The following RTF1 variants were observed in gnomAD, a reference collection of about 807,000 sequenced individuals.
RTF1 encodes the protein RTF1 homolog, Paf1/RNA polymerase II complex component.
Under a neutral mutation model 95.7 loss-of-function variants are expected in RTF1, and 10 were observed. The observed-to-expected ratio is 0.10, with a 90% confidence interval of 0.06 to 0.18. The LOEUF (loss-of-function observed/expected upper bound fraction) is 0.18. RTF1 is among the 10% of genes least tolerant of loss of function. The pLI, the probability that RTF1 is intolerant of heterozygous loss-of-function variation, is 1.00. For missense variants in RTF1, 458 were observed against 875.6 expected, an observed-to-expected ratio of 0.52 and a Z score of 6.02; for synonymous variants, 305 against 311.8, an observed-to-expected ratio of 0.98 and a Z score of 0.23.
At chr15:41,419,580 T>C (rs2050589997) in intron 1 of RTF1, among the ~76,000 whole-genome samples, 1 of 152,178 alleles carries the variant, frequency 6.6e-6, no homozygotes, top group African/African-American at 2.4e-5. Flanking sequence ...GTACACTGGA[T>C]AGTTTAGAGG....
chr15:41,448,049 A>G (rs2050772128), intron 2 of RTF1, among the ~76,000 whole-genome samples: 1 of 152,026 alleles, frequency 6.6e-6, no homozygotes, highest in Non-Finnish European at 1.5e-5. Flanking sequence ...TTTTGCAGGG[A>G]TGGGTGAGCC....
Position 41,456,998 on chromosome 15 carries a change from C to T in RTF1, c.458-674C>T, listed in dbSNP as rs533752986. 1.4e-4 allele frequency among the ~76,000 whole-genome samples: 21 copies of T among 152,104 alleles called. No individual in the cohort carries two copies. In the South Asian group the frequency reaches 1.7e-3, roughly 12 times the overall value. ...ACGCAGGAGGCTGAGGCAGGAGAAT[C>T]GCTTGTGAACCAGGGAGGTGGAAGT... On this transcript the variant is annotated intron_variant, in intron 3 of 17. Transcript: ENST00000389629.
chr15:41,466,490 T>C (rs1430691725), intron 6 of RTF1, among the ~76,000 whole-genome samples: 3 of 152,224 alleles, frequency 2.0e-5, no homozygotes, highest in Non-Finnish European at 4.4e-5. Flanking sequence ...ATTATTATAT[T>C]TTAACCATAA....
At chr15:41,436,831 G>T (rs2050706051) in intron 1 of RTF1, among the ~76,000 whole-genome samples, 1 of 151,910 alleles carries the variant, frequency 6.6e-6, no homozygotes, top group Admixed American at 6.6e-5. Flanking sequence ...GCTCACGCCT[G>T]TAATCCCAGC....
At chr15:41,472,990 C>T (rs994409615) in intron 8 of RTF1, among the ~76,000 whole-genome samples, 7 of 152,014 alleles carry the variant, frequency 4.6e-5, no homozygotes, top group East Asian at 3.9e-4. Context: ...CGTGAGCCAC[C>T]GCACCCGGCC....
Position 41,417,260 on chromosome 15 carries a change from G to T in RTF1, c.145G>T (p.Val49Phe). The part of the protein sequence containing the change: ...TTMVKKRKGR[V>F]VIDSDTEDSG... The stretch of plus-strand genomic sequence containing the variant: ...CATGGTAAAGAAGCGGAAAGGCCGC[G>T]TCGTGATCGACTCGGACACAGAGGA... The change falls in exon 1 of 18, where the codon GTC becomes TTC. Residue 49 changes from valine (V) to phenylalanine (F), a missense_variant. Transcript: ENST00000389629. 1 of 1,252,700 alleles carries T rather than the reference G, an allele frequency of 8.0e-7. No individual in the cohort carries two copies. The highest frequency in any genetic ancestry group is 1.0e-6 in the Non-Finnish European group (1 of 990,748). 77.6% of individuals were successfully genotyped at this position (1,252,700 alleles called of 1,614,324 possible).
At chr15:41,428,558 G>A (rs968002631) in intron 1 of RTF1, among the ~76,000 whole-genome samples, 5 of 150,326 alleles carry the variant, frequency 3.3e-5, no homozygotes, top group East Asian at 4.0e-4. Flanking sequence ...GTGAGCTACC[G>A]TGTCCGGCCC....
At chr15:41,474,335 C>G (rs968940963) in intron 8 of RTF1, among the ~76,000 whole-genome samples, 1 of 152,198 alleles carries the variant, frequency 6.6e-6, no homozygotes, top group East Asian at 1.9e-4. Flanking sequence ...GGTGAAATCC[C>G]AAATACATCC....
intron 1 of RTF1, among the ~76,000 whole-genome samples, chr15:41,421,628 C>G (rs1187114346): frequency 2.7e-5 from 4 of 148,650 alleles, no homozygotes; most frequent in Non-Finnish European, 5.9e-5. Context: ...GAGACCCTGT[C>G]CCAAAGAAAA....
chr15:41,447,774 G>A lies in RTF1; in HGVS notation c.310-5127G>A, dbSNP rs116950167. Among the ~76,000 whole-genome samples the A allele has an allele frequency of 1.1e-4, 16 of 152,184 alleles. No homozygotes were observed. In the East Asian group the frequency reaches 2.7e-3, roughly 26 times the overall value. ...TCTGTACTTGGTTCAGATGCACACC[G>A]GTGGGTGCTCATTTTCTCATTCTTG... is the stretch of plus-strand genomic sequence containing the variant. On this transcript the variant is annotated intron_variant, in intron 2 of 17. Transcript: ENST00000389629.
At chr15:41,470,192 T>C in intron 6 of RTF1, 65 bp from the exon 7 acceptor site, 1 of 1,559,206 alleles carries the variant, frequency 6.4e-7, no homozygotes, top group Non-Finnish European at 8.8e-7. Context: ...TTCCAGTTCT[T>C]TTTCAAGGAT....
In RTF1 at chr15:41,417,494, G is replaced by T. The variant is rs140054446; in HGVS notation, c.198+181G>T. Among the ~76,000 whole-genome samples the T allele has an allele frequency of 4.7e-3, 710 of 152,318 alleles. 7 individuals are homozygous for T. The highest frequency in any genetic ancestry group is 0.017 in the African/African-American group (687 of 41,582). On this transcript the variant is annotated intron_variant, in intron 1 of 17. Coordinates refer to ENST00000389629, the MANE Select transcript of RTF1 (RefSeq NM_015138.5). Reference sequence around the variant, plus strand: ...TGTGCGGGGCCTTGGAGACCGGCCCGGGCCTGGAGACGGAGCCCCGAGGAC... The same window carrying T: ...TGTGCGGGGCCTTGGAGACCGGCCCTGGCCTGGAGACGGAGCCCCGAGGAC...
At chr15:41,477,412 C>T (rs1443407296) in intron 13 of RTF1, 46 bp from the exon 14 acceptor site, 13 of 1,612,690 alleles carry the variant, frequency 8.1e-6, no homozygotes, top group Non-Finnish European at 9.3e-6. Context: ...GTGGTTCCCT[C>T]CCTCCCTTGT....
intron 3 of RTF1, among the ~76,000 whole-genome samples, chr15:41,457,458 G>A (rs983449370): frequency 2.0e-5 from 3 of 152,090 alleles, no homozygotes; most frequent in Admixed American, 1.3e-4. Flanking sequence ...GCTTGAACCC[G>A]GGAGGTGGAG....
chr15:41,477,255 C>A lies in RTF1; in HGVS notation c.1651C>A (p.Arg551Ser). The A allele has an allele frequency of 6.2e-7, 1 of 1,614,232 alleles. No homozygotes were observed. The highest frequency in any genetic ancestry group is 1.1e-5 in the South Asian group (1 of 91,080). The change falls in exon 13 of 18, where the codon CGC becomes AGC. Residue 551 changes from arginine to serine, a missense_variant. This residue lies in a region of RTF1 where 15 missense variants were observed against 57.1 expected (regional missense o/e 0.26). Transcript: ENST00000389629. ...GGAGGAACGGGCAGAGGCCCTGGAC[C>A]GCCAGCGGACCAAGAACATATCCGC... Reference protein sequence around the residue: ...ELEERAEALDRQRTKNISAIS... With the variant: ...ELEERAEALDSQRTKNISAIS...
chr15:41,457,351 T>C (rs904140457), intron 3 of RTF1, among the ~76,000 whole-genome samples: 6 of 152,062 alleles, frequency 3.9e-5, no homozygotes, highest in African/African-American at 1.4e-4. Flanking sequence ...CTGAACAATA[T>C]GGTGAAACCC....
At chr15:41,439,269 C>T (rs193155092) in intron 2 of RTF1, among the ~76,000 whole-genome samples, 2 of 152,056 alleles carry the variant, frequency 1.3e-5, no homozygotes, top group East Asian at 1.9e-4. Flanking sequence ...CTCCTGACCT[C>T]GTGATCCACC....
intron 2 of RTF1, among the ~76,000 whole-genome samples, chr15:41,444,963 G>T (rs758341288): frequency 1.3e-5 from 2 of 151,694 alleles, no homozygotes; most frequent in African/African-American, 2.4e-5. Flanking sequence ...ACGGAGTCTC[G>T]GTCTGTCGCC....
intron 4 of RTF1, among the ~76,000 whole-genome samples, chr15:41,463,155 A>G (rs987435484): frequency 2.0e-5 from 3 of 152,196 alleles, no homozygotes; most frequent in Non-Finnish European, 2.9e-5. Context: ...ATGTATTAGT[A>G]CTTCACTCCT....
Sources: gnomAD v4.1 joint callset for allele counts (sites outside exome capture counted in the v4.1 genomes callset) on GRCh38, gnomAD v4.1.1 for gene constraint, gnomAD v4.1.1 regional missense constraint, MANE v1.5 for transcripts, NCBI Gene and HGNC (gene_info 2026-07-23, HGNC 2026-07-21) for gene names.